Variants in SOX5 observed in about 807,000 individuals in gnomAD.
SOX5 encodes the protein SRY-box transcription factor 5, also known as transcription factor SOX-5.
Under a neutral mutation model 92.0 loss-of-function variants are expected in SOX5, and 9 were observed. That is an observed-to-expected ratio of 0.10 (90% CI 0.06 to 0.17). The LOEUF (loss-of-function observed/expected upper bound fraction) is 0.17, where lower values mean the gene tolerates loss of function less well. Ranked by LOEUF, SOX5 falls within the 10% of genes least tolerant of loss-of-function variation. The probability of loss-of-function intolerance (pLI) is 1.00; values close to 1 mark genes in which losing one functional copy is unlikely to be tolerated. For missense variants in SOX5, 642 were observed against 944.5 expected (o/e 0.68, Z 4.20); for synonymous variants, 344 against 336.3 (o/e 1.02, Z -0.25).
At chr12:23,626,874 T>C (rs1333116344) in intron 8 of SOX5, among the ~76,000 whole-genome samples, 2 of 152,012 alleles carry the variant, frequency 1.3e-5, no homozygotes, top group Non-Finnish European at 2.9e-5. Context: ...TTTTTGTGTG[T>C]GAAAAAGAAG....
intron 4 of SOX5, among the ~76,000 whole-genome samples, chr12:24,029,582 A>T (rs1955255139): frequency 6.8e-6 from 1 of 146,920 alleles, no homozygotes; most frequent in Admixed American, 6.8e-5. Flanking sequence ...GCCCATTTTA[A>T]TCTTTAGATA....
intron 2 of SOX5, among the ~76,000 whole-genome samples, chr12:24,362,120 A>C (rs1367828960): frequency 6.6e-6 from 1 of 152,260 alleles, no homozygotes; most frequent in Non-Finnish European, 1.5e-5. Flanking sequence ...CTAGGCAAAT[A>C]AGTGTTTTGA....
rs560965392 is a variant in SOX5 at position 24,404,922 on chromosome 12, T to TA, written c.-250-36284dup. Among the ~76,000 whole-genome samples the TA allele has an allele frequency of 1.0e-3, 153 of 151,966 alleles. 1 individual carries two copies. The highest frequency in any genetic ancestry group is 2.5e-3 in the African/African-American group (104 of 41,422). ...TAATCCAGTATAACTGGTGTCCTTA[T>TA]AAAAAGGGGAAATTTGGACATAGAG... On this transcript the variant is annotated intron_variant, in intron 1 of 4. Coordinates refer to the SOX5 transcript ENST00000446891.
chr12:24,295,631 T>G (rs1400104848), intron 2 of SOX5, among the ~76,000 whole-genome samples: 1 of 152,250 alleles, frequency 6.6e-6, no homozygotes, highest in Non-Finnish European at 1.5e-5. Flanking sequence ...TGGTACAATC[T>G]TGGCTCACTG....
intron 2 of SOX5, among the ~76,000 whole-genome samples, chr12:24,354,874 G>T (rs990290111): frequency 6.6e-6 from 1 of 152,048 alleles, no homozygotes; most frequent in Admixed American, 6.5e-5. Flanking sequence ...GAAATAAGAG[G>T]CCCAATCAAG....
intron 1 of SOX5, among the ~76,000 whole-genome samples, chr12:23,905,619 CA>C (rs768389064): frequency 2.6e-5 from 4 of 152,192 alleles, no homozygotes; most frequent in Non-Finnish European, 5.9e-5. Flanking sequence ...CCACTGAAAT[CA>C]TTTTATAATG....
chr12:24,196,428 C>T (rs1459543819), intron 4 of SOX5, among the ~76,000 whole-genome samples: 2 of 152,144 alleles, frequency 1.3e-5, no homozygotes, highest in Non-Finnish European at 2.9e-5. Context: ...CTGAAATAAA[C>T]TCTATGGACA....
chr12:24,284,420 CG>C (rs911071626), intron 2 of SOX5, among the ~76,000 whole-genome samples: 16 of 90,270 alleles, frequency 1.8e-4, no homozygotes, highest in South Asian at 1.2e-3. Context: ...GGGAGGCACA[CG>C]TTTTTTTTCT....
At chr12:24,403,199 G>T (rs1962153461) in intron 1 of SOX5, among the ~76,000 whole-genome samples, 1 of 152,104 alleles carries the variant, frequency 6.6e-6, no homozygotes. Context: ...GCATTTCTGA[G>T]CAACTTTCTA....
intron 4 of SOX5, among the ~76,000 whole-genome samples, chr12:24,070,634 G>GA (rs1206339771): frequency 6.6e-6 from 1 of 151,324 alleles, no homozygotes; most frequent in Non-Finnish European, 1.5e-5. Flanking sequence ...CATGCCATTA[G>GA]AAAAATAGTA....
At chr12:24,311,826 T>A (rs1252482448) in intron 2 of SOX5, among the ~76,000 whole-genome samples, 2 of 152,172 alleles carry the variant, frequency 1.3e-5, no homozygotes, top group South Asian at 4.1e-4. Context: ...GCCTCCTTTT[T>A]AAAAAGCATA....
intron 4 of SOX5, among the ~76,000 whole-genome samples, chr12:24,053,882 G>GATTACTGC (rs1220061075): frequency 2.0e-5 from 3 of 152,202 alleles, no homozygotes; most frequent in Non-Finnish European, 2.9e-5. Context: ...TAGCAGGTAT[G>GATTACTGC]ATTACTGCTT....
At chr12:24,304,405 A>C (rs1324484833) in intron 2 of SOX5, among the ~76,000 whole-genome samples, 2 of 152,208 alleles carry the variant, frequency 1.3e-5, no homozygotes, top group African/African-American at 4.8e-5. Context: ...GAAAAAGAGG[A>C]AATTTTCTGA....
rs73285509 is a variant in SOX5, at chr12:24,442,739, G to A, written c.-250-74100C>T. Among the ~76,000 whole-genome samples the A allele has an allele frequency of 2.4e-3, 360 of 152,236 alleles. 1 individual carries two copies. Among genetic ancestry groups the A allele is most frequent in the African/African-American group, 8.4e-3 (348 of 41,544 alleles). On this transcript the variant is annotated intron_variant, in intron 1 of 4. Coordinates refer to the SOX5 transcript ENST00000446891. ...CATCAAAGAAGTCAGTGTGGCTGGT[G>A]AAGAGCGAGCAAGAGATAGGGCAGT...
chr12:24,353,694 G>T lies in SOX5; in HGVS notation c.-174+14869C>A, dbSNP rs147706857. Among the ~76,000 whole-genome samples the T allele has an allele frequency of 4.9e-3, 748 of 152,152 alleles. 3 individuals carry two copies. Among genetic ancestry groups the T allele is most frequent in the Non-Finnish European group, 8.6e-3 (587 of 68,012 alleles). Reference sequence around the variant, plus strand: ...CTTGCTCTGTCACCCAGGCTGGAGTGCAGTGGTGGGATCTTGGCTCACTGC... The same window carrying T: ...CTTGCTCTGTCACCCAGGCTGGAGTTCAGTGGTGGGATCTTGGCTCACTGC... On this transcript the variant is annotated intron_variant, in intron 2 of 4. Coordinates refer to the SOX5 transcript ENST00000446891.
intron 14 of SOX5, among the ~76,000 whole-genome samples, chr12:23,535,557 T>C (rs1940193384): frequency 6.6e-6 from 1 of 152,248 alleles, no homozygotes; most frequent in African/African-American, 2.4e-5. Context: ...TGTGCATTTA[T>C]GCTTGTTTTT....
intron 3 of SOX5, among the ~76,000 whole-genome samples, chr12:24,233,509 G>A (rs1963834177): frequency 6.6e-6 from 1 of 152,186 alleles, no homozygotes; most frequent in African/African-American, 2.4e-5. Context: ...ATGTGGAAAA[G>A]GGAAAAAGTT....
rs1951131843 is a variant in SOX5, at chr12:24,330,088, G to T, written c.-174+38475C>A. 3.3e-5 allele frequency among the ~76,000 whole-genome samples: 5 copies of T among 151,870 alleles called. No individual in the cohort carries two copies. In the South Asian group the frequency reaches 1.0e-3, roughly 31 times the overall value. On this transcript the variant is annotated intron_variant, in intron 2 of 4. Coordinates refer to the SOX5 transcript ENST00000446891. ...GTATCCACCAATAGAATTACGAATA[G>T]AATATATAACTCCCAAACCACAGAA...
chr12:24,324,912 GT>G (rs1950538281), intron 2 of SOX5, among the ~76,000 whole-genome samples: 1 of 151,942 alleles, frequency 6.6e-6, no homozygotes, highest in African/African-American at 2.4e-5. Flanking sequence ...ATCTTTTTAA[GT>G]TTCATATTTC....
Sources: allele counts gnomAD v4.1 joint callset (sites outside exome capture counted in the v4.1 genomes callset), GRCh38; gene constraint gnomAD v4.1.1; transcripts MANE v1.5; gene names NCBI Gene and HGNC (gene_info 2026-07-23, HGNC 2026-07-21).